The following M1AP variants were observed in gnomAD, a reference collection of about 807,000 sequenced individuals.
M1AP encodes the protein meiosis 1 arrest protein.
M1AP carries 39 observed loss-of-function variants against 51.2 expected under a neutral mutation model. That is an observed-to-expected ratio of 0.76 (90% CI 0.59 to 1.00). M1AP has a LOEUF of 1.00. Among genes scored for constraint, M1AP ranks in the 50% least tolerant of loss-of-function variants. M1AP has a pLI of 0.00. For synonymous variants in M1AP, 251 were observed against 249.2 expected (o/e 1.01, Z -0.07); for missense variants, 545 against 641.2 (o/e 0.85, Z 1.62).
At chr2:74,601,239 T>C (rs900553789) in intron 4 of M1AP, among the ~76,000 whole-genome samples, 7 of 152,118 alleles carry the variant, frequency 4.6e-5, no homozygotes, top group Admixed American at 4.6e-4. Context: ...GATTAATTCA[T>C]ACATTGGAAT....
At chr2:74,592,422 T>C (rs890319797) in intron 4 of M1AP, among the ~76,000 whole-genome samples, 1 of 152,218 alleles carries the variant, frequency 6.6e-6, no homozygotes, top group Admixed American at 6.5e-5. Flanking sequence ...TTCACATGTT[T>C]AAGGACCATT....
At chr2:74,595,421 G>A (rs1680273184) in intron 4 of M1AP, among the ~76,000 whole-genome samples, 1 of 152,082 alleles carries the variant, frequency 6.6e-6, no homozygotes, top group African/African-American at 2.4e-5. Context: ...GCATGATCAT[G>A]GCTCACTGCA....
intron 7 of M1AP, among the ~76,000 whole-genome samples, chr2:74,569,486 T>G (rs1291615952): frequency 6.6e-6 from 1 of 151,638 alleles, no homozygotes; most frequent in African/African-American, 2.4e-5. Context: ...GGTCAAGTGA[T>G]TCTCGCGCCT....
intron 7 of M1AP, among the ~76,000 whole-genome samples, chr2:74,563,946 C>T (rs1179937874): frequency 6.6e-6 from 1 of 152,166 alleles, no homozygotes; most frequent in East Asian, 1.9e-4. Flanking sequence ...GGAGTTAGAA[C>T]TATCATAATC....
intron 3 of M1AP, among the ~76,000 whole-genome samples, chr2:74,611,882 GTTTTTTTTT>G (rs1188013311): frequency 3.0e-4 from 13 of 42,936 alleles, no homozygotes; most frequent in East Asian, 9.9e-4. Context: ...ACAAAAAAGT[GTTTTTTTTT>G]TTTTTTTTTT....
chr2:74,599,729 T>C (rs1428772190), intron 4 of M1AP, among the ~76,000 whole-genome samples: 1 of 152,086 alleles, frequency 6.6e-6, no homozygotes, highest in African/African-American at 2.4e-5. Context: ...AAATATAGAA[T>C]ACATATATTC....
At chr2:74,610,501 T>G (rs772514103) in intron 3 of M1AP, among the ~76,000 whole-genome samples, 1 of 152,236 alleles carries the variant, frequency 6.6e-6, no homozygotes, top group South Asian at 2.1e-4. Context: ...CAGGCTGGAA[T>G]GCAGTGGTAT....
chr2:74,644,288 C>T (rs574369118), intron 1 of M1AP, among the ~76,000 whole-genome samples: 5 of 152,218 alleles, frequency 3.3e-5, no homozygotes, highest in South Asian at 2.1e-4. Flanking sequence ...GCCTGTAATC[C>T]GAGCACTTTG....
intron 2 of M1AP, among the ~76,000 whole-genome samples, chr2:74,620,423 C>T (rs906166727): frequency 2.6e-5 from 4 of 152,122 alleles, no homozygotes; most frequent in African/African-American, 9.7e-5. Context: ...ATTAAATGAC[C>T]CCATGCCCAA....
intron 4 of M1AP, among the ~76,000 whole-genome samples, chr2:74,591,839 G>A (rs1212533170): frequency 6.6e-6 from 1 of 152,116 alleles, no homozygotes; most frequent in African/African-American, 2.4e-5. Context: ...AGGATGGAGT[G>A]CAGTGGTGTG....
At chr2:74,571,041 C>T (rs551453918) in intron 7 of M1AP, among the ~76,000 whole-genome samples, 5 of 152,146 alleles carry the variant, frequency 3.3e-5, no homozygotes, top group South Asian at 4.1e-4. Context: ...AGGTGTAATA[C>T]GTGATTGAGT....
intron 3 of M1AP, 33 bp downstream of exon 3, chr2:74,614,931 C>T: frequency 6.3e-7 from 1 of 1,598,554 alleles, no homozygotes. Context: ...AATCGGAACA[C>T]AGCTTGGAGT....
At chr2:74,587,820 C>T (rs1679803468) in intron 4 of M1AP, among the ~76,000 whole-genome samples, 1 of 152,164 alleles carries the variant, frequency 6.6e-6, no homozygotes, top group Admixed American at 6.5e-5. Flanking sequence ...GCCCAAGCTG[C>T]AGCCAGCATT....
At chr2:74,627,195 T>C (rs1682450233) in intron 2 of M1AP, among the ~76,000 whole-genome samples, 1 of 152,166 alleles carries the variant, frequency 6.6e-6, no homozygotes, top group Non-Finnish European at 1.5e-5. Context: ...TGTAAATATA[T>C]CAATAGTATT....
intron 2 of M1AP, among the ~76,000 whole-genome samples, chr2:74,616,171 G>C (rs1681657061): frequency 6.6e-6 from 1 of 152,242 alleles, no homozygotes; most frequent in South Asian, 2.1e-4. Context: ...AAAGAAATTA[G>C]AAGAAATCAC....
rs79247587 is a variant in M1AP at position 74,572,605 on chromosome 2, G to A, written c.1074+2833C>T. ...TAAAGTGTTGGGATTACATGTGTGAGCTAGGTCCTCAAACTCTGACAAGAC... is the reference window on the plus strand; with the variant it reads ...TAAAGTGTTGGGATTACATGTGTGAACTAGGTCCTCAAACTCTGACAAGAC... On this transcript the variant is annotated intron_variant, in intron 7 of 10. Transcript: ENST00000421985. 1.5e-3 allele frequency among the ~76,000 whole-genome samples: 227 copies of A among 152,330 alleles called. 8 individuals carry two copies. In the South Asian group the frequency reaches 0.045, roughly 30 times the overall value.
Position 74,610,442 on chromosome 2 carries a change from T to C in M1AP, c.427-3219A>G, listed in dbSNP as rs1681270136. ...AAAAAAATCCTTGCCCAGACCAATG[T>C]CACAAATTGTTTCCCTCATTTTAAG... is the stretch of plus-strand genomic sequence containing the variant. On this transcript the variant is annotated intron_variant, in intron 3 of 10. Transcript: ENST00000421985. Among the ~76,000 whole-genome samples, 3 of 152,120 alleles carry C rather than the reference T, an allele frequency of 2.0e-5. No individual in the cohort carries two copies. In the South Asian group the frequency reaches 6.2e-4, roughly 32 times the overall value.
Position 74,558,649 on chromosome 2 carries a change from A to G in M1AP, c.*67T>C. On this transcript the variant is annotated 3_prime_UTR_variant, in exon 11 of 11. Coordinates refer to ENST00000421985, the MANE Select transcript of M1AP (RefSeq NM_001321739.2). The stretch of plus-strand genomic sequence containing the variant: ...GGATAGAGAGCAAGTCTGACCACAG[A>G]TAGCCATTATGTGAACCTGAGCATG... The G allele has an allele frequency of 6.4e-7, 1 of 1,572,520 alleles. No individual in the cohort carries two copies. Among genetic ancestry groups the G allele is most frequent in the East Asian group, 2.3e-5 (1 of 43,432 alleles).
intron 5 of M1AP, among the ~76,000 whole-genome samples, chr2:74,578,602 C>T (rs114802661): frequency 7.9e-5 from 12 of 152,292 alleles, no homozygotes; most frequent in Non-Finnish European, 1.5e-4. Context: ...GTGCTTCTCC[C>T]ACCCAGAGCC....
Sources: allele counts gnomAD v4.1 joint callset (sites outside exome capture counted in the v4.1 genomes callset), GRCh38; gene constraint gnomAD v4.1.1; transcripts MANE v1.5; gene names NCBI Gene and HGNC (gene_info 2026-07-23, HGNC 2026-07-21).